Variants in NEAT1 observed in about 807,000 individuals in gnomAD.
NEAT1 encodes MENepsilon/beta.
exon 1 of NEAT1, chr11:65,426,500 A>G (rs1055733): frequency 6.6e-6 from 1 of 152,212 alleles, no homozygotes; most frequent in East Asian, 1.9e-4. Context: ...CCTTTACAGC[A>G]CAAATAAAGT....
At chr11:65,436,578 G>A (rs1449518725) in exon 1 of NEAT1, 1 of 152,256 alleles carries the variant, frequency 6.6e-6, no homozygotes, top group East Asian at 1.9e-4. Context: ...TCTTTCCAGA[G>A]AACCTGTGTA....
exon 1 of NEAT1, chr11:65,424,863 A>AG (rs1055239978): frequency 1.3e-5 from 2 of 151,748 alleles, no homozygotes; most frequent in African/African-American, 2.4e-5. Flanking sequence ...GAGGACCCTG[A>AG]GGTGGGAGTT....
chr11:65,422,924 G>A (rs980376361), exon 1 of NEAT1: 1 of 152,602 alleles, frequency 6.6e-6, no homozygotes, highest in African/African-American at 2.4e-5. Context: ...GCGGGCTGGG[G>A]GTGCGAGAAG....
exon 1 of NEAT1, chr11:65,425,719 G>A (rs1856554329): frequency 6.6e-6 from 1 of 152,066 alleles, no homozygotes; most frequent in Non-Finnish European, 1.5e-5. Context: ...GAATTTCAAG[G>A]GAATTTAGTA....
chr11:65,431,593 T>G (rs1465926193), exon 1 of NEAT1: 1 of 152,206 alleles, frequency 6.6e-6, no homozygotes, highest in African/African-American at 2.4e-5. Context: ...TTTTTTAGAT[T>G]GCAGCCATCA....
At chr11:65,438,643 A>C (rs941356967) in exon 1 of NEAT1, 9 of 152,166 alleles carry the variant, frequency 5.9e-5, no homozygotes, top group Non-Finnish European at 1.0e-4. Context: ...GTGTAATCAT[A>C]CAGTATTTGT....
At chr11:65,440,542 G>C (rs572464834) in exon 1 of NEAT1, 1 of 152,026 alleles carries the variant, frequency 6.6e-6, no homozygotes, top group East Asian at 1.9e-4. Flanking sequence ...AATGCTGGGA[G>C]GGAGGCAGCA....
chr11:65,435,695 C>T (rs1234389666), exon 1 of NEAT1: 1 of 152,054 alleles, frequency 6.6e-6, no homozygotes, highest in Non-Finnish European at 1.5e-5. Flanking sequence ...CACGTGCTGC[C>T]AAAATAGAAT....
chr11:65,433,540 C>A (rs1856631467), exon 1 of NEAT1: 1 of 152,036 alleles, frequency 6.6e-6, no homozygotes, highest in South Asian at 2.1e-4. Context: ...AATACAAAAA[C>A]TAGGACAATA....
exon 1 of NEAT1, chr11:65,443,646 G>C (rs1003083914): frequency 1.3e-5 from 2 of 152,204 alleles, no homozygotes; most frequent in Non-Finnish European, 1.5e-5. Flanking sequence ...GAATTCTACA[G>C]TCACAAATAT....
At chr11:65,437,214 T>TATATATATATATACATATATATATAC (rs1565634375) in exon 1 of NEAT1, 1 of 140,084 alleles carries the variant, frequency 7.1e-6, no homozygotes. Context: ...TATATATGTA[T>TATATATATATATACATATATATATAC]ATATATATAT....
rs770245980 is a variant in NEAT1 at position 65,437,066 on chromosome 11, G to C, written n.14269G>C. On this transcript the variant is annotated non_coding_transcript_exon_variant, in exon 1 of 1. Transcript: ENST00000501122. ...TTTGGATTTGTATTTCTATTGGGTT[G>C]TATACTTACTGATTAATAATAAGAG... 105 of 151,660 alleles carry C rather than the reference G, an allele frequency of 6.9e-4. 4 individuals are homozygous for C. The highest frequency in any genetic ancestry group is 1.8e-4 in the Non-Finnish European group (12 of 67,922). 9.4% of individuals were successfully genotyped at this position (151,660 alleles called of 1,614,324 possible). A position where few individuals can be genotyped will look rare whatever the true frequency, so the allele number is the denominator to read the frequency against.
At chr11:65,436,834 C>A (rs187494146) in exon 1 of NEAT1, 1 of 152,144 alleles carries the variant, frequency 6.6e-6, no homozygotes, top group Admixed American at 6.5e-5. Flanking sequence ...TTTTTATGTA[C>A]ATGGGCAAGT....
chr11:65,434,257 C>T (rs1179028721), exon 1 of NEAT1: 2 of 152,122 alleles, frequency 1.3e-5, no homozygotes, highest in Non-Finnish European at 2.9e-5. Flanking sequence ...GTGTTTTCTC[C>T]TTACACAGAG....
chr11:65,442,126 A>C (rs1024287437), exon 1 of NEAT1: 3 of 140,750 alleles, frequency 2.1e-5, no homozygotes, highest in Admixed American at 7.1e-5. Context: ...CAGAGTTTTG[A>C]TTTTTTTTTT....
chr11:65,441,472 C>G (rs541522709), exon 1 of NEAT1: 1 of 152,284 alleles, frequency 6.6e-6, no homozygotes, highest in African/African-American at 2.4e-5. Context: ...GCCTTGAAAA[C>G]TTTTTCAGGT....
chr11:65,426,531 A>G (rs1856563733), exon 1 of NEAT1: 1 of 152,174 alleles, frequency 6.6e-6, no homozygotes, highest in African/African-American at 2.4e-5. Flanking sequence ...AACTCATTAG[A>G]ATTGTTGTAT....
At chr11:65,423,829 A>G (rs1451242504) in exon 1 of NEAT1, 1 of 152,134 alleles carries the variant, frequency 6.6e-6, no homozygotes, top group Non-Finnish European at 1.5e-5. Flanking sequence ...CTTCCCGCTG[A>G]GGCTGGGGTG....
chr11:65,437,816 C>T (rs773538194), exon 1 of NEAT1: 13 of 152,102 alleles, frequency 8.5e-5, no homozygotes, highest in South Asian at 4.1e-4. Flanking sequence ...CTTTTATTTA[C>T]GTTTTGCTCT....
Sources: allele counts gnomAD v4.1 joint callset, GRCh38; gene constraint gnomAD v4.1.1; transcripts MANE v1.5; gene names NCBI Gene and HGNC (gene_info 2026-07-23, HGNC 2026-07-21).